Variants in COQ8B observed in about 807,000 individuals in gnomAD.
COQ8B encodes coenzyme Q8B, also known as atypical kinase COQ8B, mitochondrial.
A neutral mutation model predicts 62.0 loss-of-function variants in COQ8B; 44 were observed. The observed-to-expected ratio is 0.71, with a 90% CI of 0.56 to 0.91. The LOEUF (loss-of-function observed/expected upper bound fraction) is 0.91. COQ8B is among the 40% of genes least tolerant of loss of function. The pLI, the probability that COQ8B is intolerant of heterozygous loss-of-function variation, is 0.00. For missense variants in COQ8B, 649 were observed against 731.6 expected (o/e 0.89, Z 1.30); for synonymous variants, 252 against 289.9 (o/e 0.87, Z 1.33).
At chr19:40,694,011 T>C (rs988270685) in intron 13 of COQ8B, among the ~76,000 whole-genome samples, 10 of 152,142 alleles carry the variant, frequency 6.6e-5, no homozygotes, top group Non-Finnish European at 1.5e-4. Context: ...CCAGGGCTTT[T>C]ATAAAGTGGC....
At position 40,705,380 on chromosome 19, in the gene COQ8B, G is replaced by A. The variant is rs2082092923; in HGVS notation, c.435C>T (p.Thr145=). The change falls in exon 6 of 15, where the codon ACC becomes ACT. Residue 145 remains threonine (T), a synonymous_variant. Transcript: ENST00000324464. ...SEANAERIVQ[T]LCTVRGAALK... ...GGGCGGCCCCTCGAACTGTACATAA[G>A]GTCTGCACAATCCGCTCGGCATTGG... The A allele has an allele frequency of 1.2e-6, 2 of 1,600,374 alleles. No individual in the cohort carries two copies. The highest frequency in any genetic ancestry group is 4.5e-5 in the East Asian group (2 of 44,372).
intron 1 of COQ8B, chr19:40,715,525 C>T (rs1258615693): frequency 9.1e-6 from 9 of 985,576 alleles, no homozygotes; most frequent in Non-Finnish European, 1.1e-5. Context: ...AGCCCCTCCA[C>T]TTTGCACAAA....
At chr19:40,703,065 C>G (rs2082073388) in intron 9 of COQ8B, among the ~76,000 whole-genome samples, 1 of 152,184 alleles carries the variant, frequency 6.6e-6, no homozygotes, top group African/African-American at 2.4e-5. Flanking sequence ...GCAGCTCTTT[C>G]AGAGTCACGC....
intron 5 of COQ8B, among the ~76,000 whole-genome samples, chr19:40,709,010 T>C (rs1350396988): frequency 2.0e-5 from 3 of 151,888 alleles, no homozygotes; most frequent in African/African-American, 7.3e-5. Context: ...CCGCACACCC[T>C]CCACCTCGAT....
intron 10 of COQ8B, 128 bp from the exon 11 acceptor site, chr19:40,700,579 C>T: frequency 8.4e-7 from 1 of 1,187,300 alleles, no homozygotes; most frequent in Middle Eastern, 2.9e-4. Context: ...TCCTGCCCAT[C>T]TCTTGCTGCT....
chr19:40,706,232 T>C (rs965769589), intron 5 of COQ8B, among the ~76,000 whole-genome samples: 2 of 152,286 alleles, frequency 1.3e-5, no homozygotes, highest in African/African-American at 4.8e-5. Flanking sequence ...AGGGCAACGA[T>C]TCTCGAAATG....
At chr19:40,710,654 C>T (rs986570605) in intron 4 of COQ8B, among the ~76,000 whole-genome samples, 13 of 152,326 alleles carry the variant, frequency 8.5e-5, no homozygotes, top group South Asian at 6.2e-4. Flanking sequence ...AACCCTTTCT[C>T]CATGTCTCTG....
At position 40,714,209 on chromosome 19, in the gene COQ8B, A is replaced by T. The variant is rs914530462; in HGVS notation, c.222+69T>A. ...GAGAGTGCAGCCACTCTGCCACCAC[A>T]CCCTTCCCCAAGCTCAGGGGGCCAG... On this transcript the variant is annotated intron_variant, in intron 3 of 14. Coordinates refer to ENST00000324464, the MANE Select transcript of COQ8B (RefSeq NM_024876.4). 1.4e-5 allele frequency: 23 copies of T among 1,596,398 alleles called. No homozygotes were observed. The African/African-American group carries it at 3.1e-4, about 22-fold the overall frequency.
At chr19:40,711,795 T>C (rs534234399) in intron 4 of COQ8B, among the ~76,000 whole-genome samples, 40 of 152,324 alleles carry the variant, frequency 2.6e-4, no homozygotes, top group Non-Finnish European at 3.8e-4. Context: ...TACTAATTTT[T>C]GTCCTTACAT....
intron 10 of COQ8B, chr19:40,700,850 A>C (rs2604885): frequency 0.36 from 74,006 of 208,090 alleles, 13,384 homozygotes; most frequent in East Asian, 0.5. Context: ...TGAAGTCTAT[A>C]GTGATACCCA....
intron 5 of COQ8B, 87 bp downstream of exon 5, chr19:40,709,972 G>A: frequency 7.2e-7 from 1 of 1,392,598 alleles, no homozygotes; most frequent in Non-Finnish European, 1.0e-6. Flanking sequence ...TCCGCATGAG[G>A]AAACTGGAGC....
intron 5 of COQ8B, among the ~76,000 whole-genome samples, chr19:40,706,229 C>T (rs1224685166): frequency 6.6e-6 from 1 of 152,156 alleles, no homozygotes; most frequent in African/African-American, 2.4e-5. Context: ...AGAAGGGCAA[C>T]GATTCTCGAA....
chr19:40,714,880 G>A (rs1361092145), intron 1 of COQ8B: 1 of 1,291,668 alleles, frequency 7.7e-7, no homozygotes, highest in African/African-American at 1.6e-5. Flanking sequence ...GTCCGCCCCC[G>A]TTACTAGACA....
chr19:40,714,086 G>T lies in COQ8B; in HGVS notation c.270C>A (p.Ser90Arg). 6.2e-7 allele frequency: 1 copy of T among 1,614,114 alleles called. No homozygotes were observed. Among genetic ancestry groups the T allele is most frequent in the Non-Finnish European group, 8.5e-7 (1 of 1,180,016 alleles). Residue 90 changes from serine (S) to arginine (R), a missense_variant, in exon 4 of 15, where the codon AGC becomes AGA. Physicochemically the swap from Ser to Arg is moderately radical, Grantham distance 110 (BLOSUM62 -1). Transcript: ENST00000324464. ...ACCTACCCCCAAAGTTGGCCAAGCG[G>T]CTGATGCGGGAGGCAGGCACCTTGC... ...RERKVPASRISRLANFGGLAV... is the reference protein window; with the variant it reads ...RERKVPASRIRRLANFGGLAV...
At chr19:40,712,059 G>T (rs1395193295) in intron 4 of COQ8B, among the ~76,000 whole-genome samples, 1 of 150,988 alleles carries the variant, frequency 6.6e-6, no homozygotes, top group African/African-American at 2.4e-5. Context: ...TTTCACTCTT[G>T]CTGCCCAGGC....
intron 12 of COQ8B, 56 bp downstream of exon 12, chr19:40,700,011 A>G (rs1317667306): frequency 7.3e-6 from 11 of 1,510,312 alleles, no homozygotes; most frequent in African/African-American, 1.4e-5. Context: ...CCGAAATATC[A>G]AGGAATATTT....
At position 40,714,459 on chromosome 19, in the gene COQ8B, C is replaced by G. The variant is rs142582752; in HGVS notation, c.103-62G>C. The G allele has an allele frequency of 0.031, 50,307 of 1,613,280 alleles. 876 individuals are homozygous for G. The highest frequency in any genetic ancestry group is 0.036 in the Non-Finnish European group (42,681 of 1,179,670). ...TGGGATCACCTGGCCCTTCTGGACCCCTCCTGTCCTTTTACCCTCTGAAGT... is the reference window on the plus strand; with the variant it reads ...TGGGATCACCTGGCCCTTCTGGACCGCTCCTGTCCTTTTACCCTCTGAAGT... On this transcript the variant is annotated intron_variant, in intron 2 of 14. Coordinates refer to ENST00000324464, the MANE Select transcript of COQ8B (RefSeq NM_024876.4).
At chr19:40,712,166 T>C (rs2082146815) in intron 4 of COQ8B, among the ~76,000 whole-genome samples, 1 of 151,854 alleles carries the variant, frequency 6.6e-6, no homozygotes, top group Admixed American at 6.6e-5. Context: ...AGGCGGGGCA[T>C]GGTAGCTCAC....
chr19:40,705,207 GA>G, intron 6 of COQ8B, 26 bp from the exon 7 acceptor site: 1 of 1,611,348 alleles, frequency 6.2e-7, no homozygotes, highest in Non-Finnish European at 8.5e-7. Context: ...AACCAGGGGG[GA>G]AGTAAGCGAA....
Sources: allele counts gnomAD v4.1 joint callset (sites outside exome capture counted in the v4.1 genomes callset), GRCh38; gene constraint gnomAD v4.1.1; transcripts MANE v1.5; gene names NCBI Gene and HGNC (gene_info 2026-07-23, HGNC 2026-07-21).